Variants in THSD7B observed in about 807,000 individuals in gnomAD.
The protein encoded by THSD7B is thrombospondin type-1 domain-containing protein 7B.
In THSD7B, 138 loss-of-function variants were observed where a neutral mutation model predicts 213.6. The ratio of observed to expected loss-of-function variants is 0.65; its 90% CI spans 0.56 to 0.74. The LOEUF is 0.74. Among genes scored for constraint, THSD7B ranks in the 30% least tolerant of loss-of-function variants. THSD7B has a pLI of 0.00. For synonymous variants in THSD7B, 742 were observed against 687.0 expected (o/e 1.08, Z -1.25); for missense variants, 1,931 against 1,991.5 (o/e 0.97, Z 0.58).
At chr2:137,336,842 G>T (rs1240526508) in intron 12 of THSD7B, among the ~76,000 whole-genome samples, 2 of 151,970 alleles carry the variant, frequency 1.3e-5, no homozygotes, top group African/African-American at 4.8e-5. Context: ...TTAAATGTCT[G>T]TTCTTCAAGA....
intron 20 of THSD7B, among the ~76,000 whole-genome samples, chr2:137,640,962 A>G (rs1378228520): frequency 6.6e-6 from 1 of 152,214 alleles, no homozygotes; most frequent in African/African-American, 2.4e-5. Flanking sequence ...GTTTACCACC[A>G]AATCTATGAT....
chr2:137,294,712 G>A (rs1249555171), intron 12 of THSD7B, among the ~76,000 whole-genome samples: 2 of 151,300 alleles, frequency 1.3e-5, no homozygotes, highest in South Asian at 4.2e-4. Flanking sequence ...CTATAAATTA[G>A]ACTTTATCAT....
At chr2:137,503,194 A>G (rs1679750361) in intron 15 of THSD7B, among the ~76,000 whole-genome samples, 1 of 152,176 alleles carries the variant, frequency 6.6e-6, no homozygotes, top group East Asian at 1.9e-4. Context: ...AACTTTGTTG[A>G]AGTTTACTTT....
chr2:136,869,506 C>G (rs1683395711), intron 1 of THSD7B, among the ~76,000 whole-genome samples: 2 of 152,136 alleles, frequency 1.3e-5, no homozygotes, highest in Non-Finnish European at 2.9e-5. Context: ...GGATTTAGAA[C>G]CTGACAACAT....
chr2:137,377,638 T>TG (rs11384342), intron 12 of THSD7B, among the ~76,000 whole-genome samples: 2 of 152,078 alleles, frequency 1.3e-5, no homozygotes, highest in African/African-American at 4.8e-5. Context: ...TTCACTTTTT[T>TG]TTTTTTGAGC....
intron 1 of THSD7B, among the ~76,000 whole-genome samples, chr2:136,806,288 A>T (rs1031437852): frequency 5.3e-5 from 8 of 152,206 alleles, no homozygotes; most frequent in African/African-American, 1.9e-4. Context: ...GTCAGCAAAC[A>T]CAGGTTTGAA....
In THSD7B at chr2:137,244,147, C is replaced by G. The variant is rs557490583; in HGVS notation, c.2266+1575C>G. On this transcript the variant is annotated intron_variant, in intron 10 of 27. Transcript: ENST00000409968. ...TGAAAGGCAGCATCTAGGAGGCTGA[C>G]TTTGGGAATTTTAATCATAATGTAC... 6.6e-5 allele frequency among the ~76,000 whole-genome samples: 10 copies of G among 152,218 alleles called. No individual in the cohort carries two copies. The South Asian group carries it at 8.3e-4, about 13-fold the overall frequency.
intron 3 of THSD7B, among the ~76,000 whole-genome samples, chr2:137,077,843 G>A (rs1223900310): frequency 1.3e-5 from 2 of 152,016 alleles, no homozygotes; most frequent in Non-Finnish European, 2.9e-5. Flanking sequence ...GATCCCATTT[G>A]TCAATGTTGG....
chr2:136,972,315 T>C (rs757335378), intron 2 of THSD7B, among the ~76,000 whole-genome samples: 20 of 152,166 alleles, frequency 1.3e-4, no homozygotes, highest in Non-Finnish European at 1.0e-4. Context: ...ATAATTATAT[T>C]ATTTAGAAAA....
intron 2 of THSD7B, among the ~76,000 whole-genome samples, chr2:137,012,431 T>A (rs1686248787): frequency 6.6e-6 from 1 of 152,180 alleles, no homozygotes; most frequent in Non-Finnish European, 1.5e-5. Context: ...TTGAGGACAA[T>A]GTATGGAAAG....
At chr2:137,287,866 T>C (rs555729596) in intron 12 of THSD7B, among the ~76,000 whole-genome samples, 15 of 152,118 alleles carry the variant, frequency 9.9e-5, no homozygotes, top group Admixed American at 4.6e-4. Flanking sequence ...CGGTTCTCAG[T>C]CACAGAACTA....
intron 17 of THSD7B, among the ~76,000 whole-genome samples, chr2:137,583,118 G>T (rs577673452): frequency 6.6e-6 from 1 of 152,248 alleles, no homozygotes; most frequent in African/African-American, 2.4e-5. Flanking sequence ...TCATGTGTCT[G>T]TTGGCTGCAT....
intron 3 of THSD7B, among the ~76,000 whole-genome samples, chr2:137,072,205 C>A (rs1687507868): frequency 6.6e-6 from 1 of 152,082 alleles, no homozygotes; most frequent in African/African-American, 2.4e-5. Context: ...GGCAGTATGG[C>A]CATTTTCACG....
intron 1 of THSD7B, among the ~76,000 whole-genome samples, chr2:136,851,940 T>TAC (rs70975717): frequency 6.6e-6 from 1 of 150,742 alleles, no homozygotes; most frequent in Non-Finnish European, 1.5e-5. Context: ...CAACTATATA[T>TAC]ATATATATAT....
intron 1 of THSD7B, among the ~76,000 whole-genome samples, chr2:136,789,638 C>T (rs1014303351): frequency 2.6e-5 from 4 of 152,008 alleles, no homozygotes; most frequent in African/African-American, 9.7e-5. Flanking sequence ...ATGCTTGCAA[C>T]CTGATCAAGG....
chr2:136,833,433 A>ATTTTTTTTTTTTT (rs56778387), intron 1 of THSD7B, among the ~76,000 whole-genome samples: 1 of 112,068 alleles, frequency 8.9e-6, no homozygotes, highest in Non-Finnish European at 1.7e-5. Flanking sequence ...ATTATTTTCT[A>ATTTTTTTTTTTTT]TTTTTTTTTT....
chr2:137,373,606 T>TCAGGCTAATATC lies in THSD7B; in HGVS notation c.2501-32004_2501-32003insGCTAATATCCAG, dbSNP rs1685583914. 2.6e-5 allele frequency among the ~76,000 whole-genome samples: 4 copies of TCAGGCTAATATC among 152,354 alleles called. No individual in the cohort carries two copies. The East Asian group carries it at 7.7e-4, about 29-fold the overall frequency. On this transcript the variant is annotated intron_variant, in intron 12 of 27. Coordinates refer to ENST00000409968, the MANE Select transcript of THSD7B (RefSeq NM_001316349.2). The stretch of plus-strand genomic sequence containing the variant: ...GTAGATTCTGGATATTAGCCCTTTC[T>TCAGGCTAATATC]CAGATGAGTAGGTTGCAAAAATTTT...
In THSD7B at chr2:137,158,707, T is replaced by G. The variant is rs754774699; in HGVS notation, c.1370-1506T>G. 1.1e-3 allele frequency among the ~76,000 whole-genome samples: 169 copies of G among 152,144 alleles called. 3 individuals are homozygous for G. Among genetic ancestry groups the G allele is most frequent in the Admixed American group, 4.6e-4 (7 of 15,264 alleles). On this transcript the variant is annotated intron_variant, in intron 5 of 27. Coordinates refer to ENST00000409968, the MANE Select transcript of THSD7B (RefSeq NM_001316349.2). Reference sequence around the variant, plus strand: ...GCTGCTATTTTGGTGTTCGAAGTTCTGCTGGTCAGTGCTGAAATTTATTTT... The same window carrying G: ...GCTGCTATTTTGGTGTTCGAAGTTCGGCTGGTCAGTGCTGAAATTTATTTT...
chr2:136,989,322 C>T (rs1319791853), intron 2 of THSD7B, among the ~76,000 whole-genome samples: 1 of 152,136 alleles, frequency 6.6e-6, no homozygotes, highest in African/African-American at 2.4e-5. Context: ...GAGGCAGATC[C>T]CTCATGAATG....
Sources: allele counts gnomAD v4.1 joint callset (sites outside exome capture counted in the v4.1 genomes callset), GRCh38; gene constraint gnomAD v4.1.1; transcripts MANE v1.5; gene names NCBI Gene and HGNC (gene_info 2026-07-23, HGNC 2026-07-21).